DOCK1: variants seen among roughly 807,000 people sequenced by gnomAD.
DOCK1 encodes dedicator of cytokinesis protein 1.
DOCK1 carries 138 observed loss-of-function variants against 262.7 expected under a neutral mutation model. That is an observed-to-expected ratio of 0.53 (90% CI 0.46 to 0.61). DOCK1 has a LOEUF of 0.61. Ranked by LOEUF, DOCK1 falls within the 20% of genes least tolerant of loss-of-function variation. The pLI is 0.00. For synonymous variants in DOCK1, 866 were observed against 867.4 expected, an observed-to-expected ratio of 1.00 and a Z score of 0.03; for missense variants, 1,908 against 2,370.7, an observed-to-expected ratio of 0.80 and a Z score of 4.05.
chr10:127,265,143 G>T (rs2060308822), intron 29 of DOCK1, among the ~76,000 whole-genome samples: 2 of 152,200 alleles, frequency 1.3e-5, no homozygotes, highest in Non-Finnish European at 2.9e-5. Context: ...GTTATAATTG[G>T]ACTTGTCTGA....
rs2070385458 is a variant in DOCK1, at chr10:127,444,294, C to A, written c.5413+15C>A. The stretch of plus-strand genomic sequence containing the variant: ...CATGCAGTCGAGTAAGTGGAACGCT[C>A]CCCACATACGAATCGTGCTATAGCT... On this transcript the variant is annotated intron_variant, in intron 50 of 51. Transcript: ENST00000623213. 2 of 1,585,058 alleles carry A rather than the reference C, an allele frequency of 1.3e-6. No homozygotes were observed. Among genetic ancestry groups the A allele is most frequent in the Admixed American group, 3.6e-5 (2 of 55,110 alleles).
chr10:127,208,522 A>G (rs541520009), intron 27 of DOCK1, among the ~76,000 whole-genome samples: 122 of 152,374 alleles, frequency 8.0e-4, no homozygotes, highest in Non-Finnish European at 1.7e-3. Flanking sequence ...CTCTGTAACC[A>G]TATGAAAAAT....
chr10:127,031,902 C>A, intron 17 of DOCK1, 149 bp downstream of exon 17: 1 of 888,866 alleles, frequency 1.1e-6, no homozygotes, highest in Non-Finnish European at 1.7e-6. Flanking sequence ...CAATGACCAG[C>A]CCTTTTGTTG....
At chr10:127,111,128 G>A (rs977846175) in intron 25 of DOCK1, among the ~76,000 whole-genome samples, 2 of 152,090 alleles carry the variant, frequency 1.3e-5, no homozygotes, top group Non-Finnish European at 2.9e-5. Flanking sequence ...GTGCTTTCAC[G>A]GATCCCAGAC....
chr10:126,992,669 G>A (rs1027181125), intron 6 of DOCK1, among the ~76,000 whole-genome samples: 1 of 151,500 alleles, frequency 6.6e-6, no homozygotes, highest in Non-Finnish European at 1.5e-5. Context: ...TGAAGGTCTT[G>A]GACCATATCT....
At chr10:127,416,468 C>T (rs2068158886) in intron 44 of DOCK1, among the ~76,000 whole-genome samples, 2 of 152,196 alleles carry the variant, frequency 1.3e-5, no homozygotes, top group African/African-American at 4.8e-5. Context: ...CTGCCGGATG[C>T]AGGAGCTTAG....
Position 127,448,331 on chromosome 10 carries a change from C to T in DOCK1, c.5565+786C>T, listed in dbSNP as rs973955748. 5.3e-5 allele frequency among the ~76,000 whole-genome samples: 8 copies of T among 152,308 alleles called. No individual in the cohort carries two copies. The South Asian group carries it at 1.2e-3, about 24-fold the overall frequency. ...CAAACAGCCCCTGGGCCTGCCTGCC[C>T]GTACAAATATTAGTCAAAGTCATGA... is the stretch of plus-strand genomic sequence containing the variant. On this transcript the variant is annotated intron_variant, in intron 51 of 51. Coordinates refer to ENST00000623213, the MANE Select transcript of DOCK1 (RefSeq NM_001290223.2).
At chr10:127,341,580 G>A (rs1268853705) in intron 30 of DOCK1, among the ~76,000 whole-genome samples, 10 of 152,086 alleles carry the variant, frequency 6.6e-5, no homozygotes, top group Admixed American at 6.5e-4. Flanking sequence ...CCATTTTTCT[G>A]GTTTTTTTCT....
intron 22 of DOCK1, 53 bp downstream of exon 22, chr10:127,052,868 C>T: frequency 6.4e-7 from 1 of 1,560,546 alleles, no homozygotes; most frequent in Non-Finnish European, 8.7e-7. Flanking sequence ...GCAGGAGATC[C>T]TTCACTTCTT....
intron 31 of DOCK1, among the ~76,000 whole-genome samples, chr10:127,347,209 G>A (rs377574588): frequency 6.6e-6 from 1 of 152,210 alleles, no homozygotes; most frequent in East Asian, 1.9e-4. Context: ...GTTTAAAATT[G>A]TCCGCATAAA....
intron 21 of DOCK1, among the ~76,000 whole-genome samples, chr10:127,044,325 G>C (rs2044203654): frequency 6.6e-6 from 1 of 152,162 alleles, no homozygotes; most frequent in Non-Finnish European, 1.5e-5. Context: ...CGTGTTTACT[G>C]TAAGGTGGTG....
intron 27 of DOCK1, among the ~76,000 whole-genome samples, chr10:127,204,173 A>G (rs1441559418): frequency 6.6e-6 from 1 of 152,170 alleles, no homozygotes; most frequent in Non-Finnish European, 1.5e-5. Context: ...AAGATTCCAG[A>G]ATATTCATTT....
chr10:126,909,541 C>A (rs751128185), intron 1 of DOCK1, among the ~76,000 whole-genome samples: 3 of 152,158 alleles, frequency 2.0e-5, no homozygotes, highest in Non-Finnish European at 2.9e-5. Flanking sequence ...TTACTAAGTT[C>A]ATTGAAGGTA....
chr10:127,375,152 A>G (rs577937540), intron 35 of DOCK1, among the ~76,000 whole-genome samples: 6 of 152,264 alleles, frequency 3.9e-5, no homozygotes, highest in African/African-American at 1.4e-4. Flanking sequence ...CATTAGTACC[A>G]ATGAGCTTTT....
At chr10:127,349,121 A>G (rs1234852100) in intron 31 of DOCK1, among the ~76,000 whole-genome samples, 2 of 151,808 alleles carry the variant, frequency 1.3e-5, no homozygotes, top group East Asian at 3.9e-4. Flanking sequence ...AGTCTTTCCC[A>G]TGAAGTTAAA....
chr10:126,995,799 T>C lies in DOCK1; in HGVS notation c.474-949T>C, dbSNP rs2040150767. The stretch of plus-strand genomic sequence containing the variant: ...CTGGCCAGGAAGTTGCTTAACCTTA[T>C]TGTAGATAACGTCCATATGTTTGGT... On this transcript the variant is annotated intron_variant, in intron 6 of 51. Transcript: ENST00000623213. The surrounding 1 kb of genome is among the most constrained non-coding windows in gnomAD (Gnocchi z 5.8). Among the ~76,000 whole-genome samples, 1 of 152,240 alleles carries C rather than the reference T, an allele frequency of 6.6e-6. No individual in the cohort carries two copies. The highest frequency in any genetic ancestry group is 2.1e-4 in the South Asian group (1 of 4,836).
chr10:127,316,221 A>G (rs999326242), intron 29 of DOCK1, among the ~76,000 whole-genome samples: 1 of 152,174 alleles, frequency 6.6e-6, no homozygotes. Context: ...ATACAATATT[A>G]TTAACTCTGG....
At chr10:126,929,947 C>A (rs1228936238) in intron 1 of DOCK1, among the ~76,000 whole-genome samples, 1 of 152,186 alleles carries the variant, frequency 6.6e-6, no homozygotes, top group Non-Finnish European at 1.5e-5. Context: ...AGCCATGTAC[C>A]CATTTAGCAG....
chr10:127,418,235 A>T, intron 44 of DOCK1, 130 bp from the exon 45 acceptor site: 1 of 1,083,016 alleles, frequency 9.2e-7, no homozygotes. Flanking sequence ...CAGCCACCCA[A>T]AAATTCTGTT....
Sources: gnomAD v4.1 joint callset for allele counts (sites outside exome capture counted in the v4.1 genomes callset) on GRCh38, gnomAD v4.1.1 for gene constraint, Gnocchi (gnomAD v3.1) non-coding constraint, MANE v1.5 for transcripts, NCBI Gene and HGNC (gene_info 2026-07-23, HGNC 2026-07-21) for gene names.